Variants in MAGI2 observed in about 807,000 individuals in gnomAD.
MAGI2 encodes the protein membrane-associated guanylate kinase, WW and PDZ domain-containing protein 2.
MAGI2 carries 35 observed loss-of-function variants against 133.3 expected under a neutral mutation model. That is an observed-to-expected ratio of 0.26 (90% CI 0.20 to 0.35). The LOEUF (loss-of-function observed/expected upper bound fraction) is 0.35, where lower values mean the gene tolerates loss of function less well. MAGI2 is among the 10% of genes least tolerant of loss of function. MAGI2 has a pLI of 1.00. For missense variants in MAGI2, 1,636 were observed against 1,863.4 expected, an observed-to-expected ratio of 0.88 and a Z score of 2.25; for synonymous variants, 729 against 710.6, an observed-to-expected ratio of 1.03 and a Z score of -0.41.
intron 1 of MAGI2, among the ~76,000 whole-genome samples, chr7:79,135,945 AAG>A (rs1821364974): frequency 5.9e-5 from 1 of 16,900 alleles, no homozygotes; most frequent in Admixed American, 8.9e-4. Flanking sequence ...TCTCGAAAGA[AAG>A]AAAGAAAGAA....
chr7:78,924,814 C>T (rs1799560600), intron 2 of MAGI2, among the ~76,000 whole-genome samples: 1 of 151,594 alleles, frequency 6.6e-6, no homozygotes, highest in South Asian at 2.1e-4. Context: ...TACTGGAATA[C>T]TTGCTGAAAT....
chr7:78,065,273 G>A (rs1254981713), intron 21 of MAGI2, among the ~76,000 whole-genome samples: 3 of 152,162 alleles, frequency 2.0e-5, no homozygotes, highest in Non-Finnish European at 4.4e-5. Context: ...ATCCCAGGGA[G>A]GATGCTCTGA....
chr7:78,564,034 T>A (rs188794072), intron 3 of MAGI2, among the ~76,000 whole-genome samples: 1 of 152,208 alleles, frequency 6.6e-6, no homozygotes, highest in Admixed American at 6.5e-5. Flanking sequence ...GATTAATTTC[T>A]ATGATAAAAG....
chr7:78,269,545 CT>C (rs1254791849), intron 9 of MAGI2, among the ~76,000 whole-genome samples: 2 of 151,826 alleles, frequency 1.3e-5, no homozygotes, highest in African/African-American at 4.8e-5. Context: ...TGATGATGAG[CT>C]TTTTTTTCAT....
intron 2 of MAGI2, among the ~76,000 whole-genome samples, chr7:78,929,714 A>T (rs1799968738): frequency 6.6e-6 from 1 of 152,072 alleles, no homozygotes; most frequent in Non-Finnish European, 1.5e-5. Flanking sequence ...TCACCCAGAT[A>T]ACCTCTGATA....
intron 2 of MAGI2, among the ~76,000 whole-genome samples, chr7:78,987,714 C>T (rs1295371519): frequency 6.6e-6 from 1 of 151,840 alleles, no homozygotes; most frequent in Non-Finnish European, 1.5e-5. Flanking sequence ...TTATTAAAAA[C>T]AGTTTCATTT....
At chr7:79,212,226 C>G (rs1164669728) in intron 1 of MAGI2, among the ~76,000 whole-genome samples, 1 of 151,978 alleles carries the variant, frequency 6.6e-6, no homozygotes, top group Non-Finnish European at 1.5e-5. Flanking sequence ...ATAGAGTATT[C>G]CATGGGATGC....
intron 2 of MAGI2, among the ~76,000 whole-genome samples, chr7:78,886,627 T>TC (rs1554597039): frequency 1.3e-5 from 2 of 152,210 alleles, no homozygotes; most frequent in African/African-American, 4.8e-5. Flanking sequence ...GAATCAGCAC[T>TC]GGGTGGATAA....
chr7:78,115,011 G>C (rs761591325), intron 20 of MAGI2, among the ~76,000 whole-genome samples: 6 of 152,180 alleles, frequency 3.9e-5, no homozygotes, highest in Non-Finnish European at 7.3e-5. Context: ...TGCTGTTTAT[G>C]GCAATATGGT....
intron 6 of MAGI2, among the ~76,000 whole-genome samples, chr7:78,441,345 A>G (rs1787611184): frequency 6.6e-6 from 1 of 152,220 alleles, no homozygotes; most frequent in Non-Finnish European, 1.5e-5. Flanking sequence ...TCTAAGATTT[A>G]TAGAAATTTG....
chr7:78,489,979 G>T, intron 5 of MAGI2, 139 bp from the exon 6 acceptor site: 1 of 616,500 alleles, frequency 1.6e-6, no homozygotes. Flanking sequence ...AAGTAGCCCT[G>T]AAGGAGGTGT....
intron 2 of MAGI2, among the ~76,000 whole-genome samples, chr7:78,672,570 C>G (rs115112873): frequency 4.2e-4 from 64 of 152,300 alleles, no homozygotes; most frequent in African/African-American, 1.5e-3. Flanking sequence ...TTTCATCTAT[C>G]TGAATAAACT....
chr7:78,027,759 A>G (rs1410098056), intron 21 of MAGI2, among the ~76,000 whole-genome samples: 12 of 152,192 alleles, frequency 7.9e-5, no homozygotes, highest in Admixed American at 7.9e-4. Flanking sequence ...ACATTCCTTG[A>G]AGCTGGATTG....
chr7:78,771,899 T>C (rs376577243), intron 2 of MAGI2, among the ~76,000 whole-genome samples: 8 of 152,342 alleles, frequency 5.3e-5, no homozygotes, highest in African/African-American at 1.9e-4. Context: ...AAATAATTTT[T>C]CCCTTCTCTG....
intron 21 of MAGI2, among the ~76,000 whole-genome samples, chr7:78,059,508 C>T (rs1425202902): frequency 3.9e-5 from 6 of 152,302 alleles, no homozygotes; most frequent in African/African-American, 1.4e-4. Flanking sequence ...GCTTCAAAAT[C>T]ATCTCTGACA....
intron 9 of MAGI2, among the ~76,000 whole-genome samples, chr7:78,287,887 C>A (rs564403822): frequency 4.5e-4 from 69 of 152,258 alleles, no homozygotes; most frequent in African/African-American, 1.6e-3. Flanking sequence ...AGGAAAAAAT[C>A]AGTTACCTAT....
intron 1 of MAGI2, among the ~76,000 whole-genome samples, chr7:79,112,744 A>G (rs1052524444): frequency 2.6e-5 from 4 of 152,198 alleles, no homozygotes; most frequent in Admixed American, 2.0e-4. Context: ...CTTAAAAATT[A>G]TAGGAGTTAT....
intron 2 of MAGI2, among the ~76,000 whole-genome samples, chr7:78,724,321 T>G (rs760512748): frequency 3.3e-5 from 5 of 152,062 alleles, no homozygotes; most frequent in Non-Finnish European, 5.9e-5. Flanking sequence ...GACTAAAGAC[T>G]GAAAAAGTAA....
chr7:78,366,714 T>C (rs138557233), intron 7 of MAGI2, among the ~76,000 whole-genome samples: 3 of 152,326 alleles, frequency 2.0e-5, no homozygotes, highest in Admixed American at 2.0e-4. Flanking sequence ...TTCAAGAAGA[T>C]GTTTCCAATA....
Sources: gnomAD v4.1 joint callset for allele counts (sites outside exome capture counted in the v4.1 genomes callset) on GRCh38, gnomAD v4.1.1 for gene constraint, MANE v1.5 for transcripts, NCBI Gene and HGNC (gene_info 2026-07-23, HGNC 2026-07-21) for gene names.